The following ST6GALNAC5 variants were observed in gnomAD, a reference collection of about 807,000 sequenced individuals.
ST6GALNAC5 encodes alpha-N-acetylgalactosaminide alpha-2,6-sialyltransferase 5.
Under a neutral mutation model 33.6 loss-of-function variants are expected in ST6GALNAC5, and 27 were observed. The ratio of observed to expected loss-of-function variants is 0.80; its 90% CI spans 0.59 to 1.11. The LOEUF is 1.11. Ranked by LOEUF, ST6GALNAC5 falls within the 50% of genes least tolerant of loss-of-function variation. The pLI is 0.00. For synonymous variants in ST6GALNAC5, 194 were observed against 171.2 expected (o/e 1.13, Z -1.04); for missense variants, 428 against 454.0 (o/e 0.94, Z 0.52).
At chr1:76,933,975 A>C (rs1570685371) in intron 2 of ST6GALNAC5, among the ~76,000 whole-genome samples, 1 of 151,920 alleles carries the variant, frequency 6.6e-6, no homozygotes, top group African/African-American at 2.4e-5. Context: ...ACATAATGCC[A>C]CTTCCTCCTT....
chr1:77,031,024 A>G (rs1229546840), intron 2 of ST6GALNAC5, among the ~76,000 whole-genome samples: 1 of 152,234 alleles, frequency 6.6e-6, no homozygotes, highest in Non-Finnish European at 1.5e-5. Flanking sequence ...TTGTGCACAT[A>G]AAAGGGAAAA....
chr1:76,910,020 T>A (rs1414950237), intron 2 of ST6GALNAC5, among the ~76,000 whole-genome samples: 1 of 152,046 alleles, frequency 6.6e-6, no homozygotes, highest in Admixed American at 6.6e-5. Context: ...AACATTCACA[T>A]TCTAGGACTG....
At chr1:76,992,420 A>G (rs887780624) in intron 2 of ST6GALNAC5, among the ~76,000 whole-genome samples, 6 of 152,020 alleles carry the variant, frequency 3.9e-5, no homozygotes, top group African/African-American at 1.4e-4. Context: ...CCTGCCTCCA[A>G]ATATTCCCTC....
chr1:76,873,015 A>G (rs1452818118), intron 2 of ST6GALNAC5, among the ~76,000 whole-genome samples: 1 of 152,208 alleles, frequency 6.6e-6, no homozygotes, highest in Non-Finnish European at 1.5e-5. Flanking sequence ...AATTTTTCCA[A>G]CTTCCCACAT....
intron 2 of ST6GALNAC5, among the ~76,000 whole-genome samples, chr1:77,005,601 A>C (rs1163676016): frequency 6.6e-6 from 1 of 152,228 alleles, no homozygotes; most frequent in Non-Finnish European, 1.5e-5. Flanking sequence ...ATTCAGTGGC[A>C]TTAAGTACAC....
intron 4 of ST6GALNAC5, among the ~76,000 whole-genome samples, chr1:77,055,888 A>C (rs991463805): frequency 2.0e-5 from 3 of 152,364 alleles, no homozygotes; most frequent in Middle Eastern, 3.4e-3. Flanking sequence ...TCAATGAGAA[A>C]CAAAAATAAG....
chr1:76,911,154 T>G (rs1056471071), intron 2 of ST6GALNAC5, among the ~76,000 whole-genome samples: 26 of 152,044 alleles, frequency 1.7e-4, no homozygotes, highest in Admixed American at 1.6e-3. Context: ...TAGCATGAAG[T>G]GTTGTTGAAT....
chr1:76,881,005 T>C (rs1293476819), intron 2 of ST6GALNAC5, among the ~76,000 whole-genome samples: 1 of 152,232 alleles, frequency 6.6e-6, no homozygotes, highest in Non-Finnish European at 1.5e-5. Context: ...GAAAGGACTT[T>C]GAAAAATTAA....
At chr1:76,995,805 G>A (rs1050284089) in intron 2 of ST6GALNAC5, among the ~76,000 whole-genome samples, 2 of 152,154 alleles carry the variant, frequency 1.3e-5, no homozygotes, top group Admixed American at 6.6e-5. Flanking sequence ...TTTGTTCAGT[G>A]TATATCTGTG....
At chr1:76,943,052 A>G (rs1647392718) in intron 2 of ST6GALNAC5, among the ~76,000 whole-genome samples, 1 of 152,068 alleles carries the variant, frequency 6.6e-6, no homozygotes, top group East Asian at 1.9e-4. Flanking sequence ...ACAAATTCCC[A>G]TTCTTTCTTA....
At chr1:76,922,943 A>AAAAAAAG (rs1186264455) in intron 2 of ST6GALNAC5, among the ~76,000 whole-genome samples, 1 of 138,676 alleles carries the variant, frequency 7.2e-6, no homozygotes, top group Non-Finnish European at 1.5e-5. Flanking sequence ...CTCAAAAAAA[A>AAAAAAAG]AAAAAAGAAA....
At chr1:77,042,070 G>A (rs1221847376) in intron 2 of ST6GALNAC5, among the ~76,000 whole-genome samples, 1 of 152,142 alleles carries the variant, frequency 6.6e-6, no homozygotes, top group Non-Finnish European at 1.5e-5. Context: ...CTTACAGTGT[G>A]ATCTTGAGCA....
chr1:76,889,998 ATG>A (rs1653979411), intron 2 of ST6GALNAC5, among the ~76,000 whole-genome samples: 1 of 152,082 alleles, frequency 6.6e-6, no homozygotes, highest in South Asian at 2.1e-4. Flanking sequence ...CATATTTTGT[ATG>A]TGTGTTGTTT....
intron 2 of ST6GALNAC5, among the ~76,000 whole-genome samples, chr1:76,989,486 T>C (rs1339860639): frequency 6.6e-6 from 1 of 152,016 alleles, no homozygotes; most frequent in Non-Finnish European, 1.5e-5. Flanking sequence ...ATTGGTATGG[T>C]AATATTTTAC....
chr1:76,911,794 G>A (rs572051396), intron 2 of ST6GALNAC5, among the ~76,000 whole-genome samples: 17 of 151,280 alleles, frequency 1.1e-4, no homozygotes, highest in Middle Eastern at 6.8e-3. Context: ...GTTTGATTGC[G>A]TCTATTTGAT....
chr1:77,031,021 C>A (rs1651431892), intron 2 of ST6GALNAC5, among the ~76,000 whole-genome samples: 1 of 152,140 alleles, frequency 6.6e-6, no homozygotes, highest in South Asian at 2.1e-4. Context: ...GCATTGTGCA[C>A]ATAAAAGGGA....
At chr1:76,869,278 T>C (rs1367505220) in intron 2 of ST6GALNAC5, among the ~76,000 whole-genome samples, 1 of 152,206 alleles carries the variant, frequency 6.6e-6, no homozygotes, top group Admixed American at 6.5e-5. Flanking sequence ...CATGGAAGAC[T>C]TGAGGGACAC....
At chr1:76,959,970 G>A (rs919835574) in intron 2 of ST6GALNAC5, among the ~76,000 whole-genome samples, 1 of 152,162 alleles carries the variant, frequency 6.6e-6, no homozygotes, top group Non-Finnish European at 1.5e-5. Flanking sequence ...AAAGACACCT[G>A]AGCGGGAGTG....
At chr1:76,901,813 T>C (rs1391302496) in intron 2 of ST6GALNAC5, among the ~76,000 whole-genome samples, 1 of 152,224 alleles carries the variant, frequency 6.6e-6, no homozygotes, top group Admixed American at 6.5e-5. Context: ...ATTTTATAGT[T>C]GATTTTAAGT....
Sources: allele counts gnomAD v4.1 joint callset (sites outside exome capture counted in the v4.1 genomes callset), GRCh38; gene constraint gnomAD v4.1.1; transcripts MANE v1.5; gene names NCBI Gene and HGNC (gene_info 2026-07-23, HGNC 2026-07-21).